The following DNAH10 variants were observed in gnomAD, a reference collection of about 807,000 sequenced individuals.
The protein encoded by DNAH10 is axonemal beta dynein heavy chain 10.
DNAH10 carries 348 observed loss-of-function variants against 506.6 expected under a neutral mutation model. The observed-to-expected ratio is 0.69, with a 90% CI of 0.63 to 0.75. DNAH10 has a LOEUF of 0.75. DNAH10 is among the 30% of genes least tolerant of loss of function. The probability of loss-of-function intolerance (pLI) is 0.00; values close to 1 mark genes in which losing one functional copy is unlikely to be tolerated. For missense variants in DNAH10, 5,179 were observed against 5,787.1 expected (o/e 0.89, Z 3.41); for synonymous variants, 2,059 against 2,198.6 (o/e 0.94, Z 1.78).
At position 123,845,694 on chromosome 12, in the gene DNAH10, C is replaced by T. The variant is rs1950922178; in HGVS notation, c.5455C>T (p.Gln1819Ter). 1 of 1,613,238 alleles carries T rather than the reference C, an allele frequency of 6.2e-7. No homozygotes were observed. Among genetic ancestry groups the T allele is most frequent in the African/African-American group, 1.3e-5 (1 of 74,722 alleles). ...WEVEDVFHKA[Q>*]KGEKQAMKNY... is the part of the protein sequence containing the mutation. Reference sequence around the variant, plus strand: ...GGTGGAAGACGTCTTCCACAAAGCGCAAAAAGGGGAGAAGCAGGCCATGAA... The same window carrying T: ...GGTGGAAGACGTCTTCCACAAAGCGTAAAAAGGGGAGAAGCAGGCCATGAA... The change falls in exon 31 of 79, where the codon CAA (glutamine) becomes TAA (stop). Residue 1819 changes from glutamine (Q) to a stop codon, truncating the protein, a stop_gained. Coordinates refer to ENST00000673944, the MANE Select transcript of DNAH10 (RefSeq NM_001372106.1). LOFTEE classifies it high-confidence loss of function.
chr12:123,929,839 C>T, intron 72 of DNAH10, 80 bp downstream of exon 72: 1 of 1,293,634 alleles, frequency 7.7e-7, no homozygotes, highest in Non-Finnish European at 1.1e-6. Context: ...TTCCTCTGAG[C>T]CCTCAGAACC....
At chr12:123,766,451 C>A (rs1957053428) in intron 1 of DNAH10, among the ~76,000 whole-genome samples, 1 of 152,090 alleles carries the variant, frequency 6.6e-6, no homozygotes, top group Admixed American at 6.5e-5. Flanking sequence ...TGACTTCTCC[C>A]CCCACCACAT....
rs763765733 is a variant in DNAH10, at chr12:123,841,382, T to C, written c.5197T>C (p.Ser1733Pro). 1.8e-4 allele frequency: 297 copies of C among 1,613,774 alleles called. No homozygotes were observed. The highest frequency in any genetic ancestry group is 1.4e-4 in the Non-Finnish European group (165 of 1,179,870). The stretch of plus-strand genomic sequence containing the variant: ...CGGCGATAGTGGAGAAAAACTGGTG[T>C]CCGCGATGATTTCAGCAGAAGGAGA... ...NDGDSGEKLV[S>P]AMISAEGEVM... The change falls in exon 30 of 79, where the codon TCC becomes CCC. Residue 1733 changes from serine to proline, a missense_variant. This residue lies in a region of DNAH10 where 4,844 missense variants were observed against 5,430.5 expected (regional missense o/e 0.89). Coordinates refer to ENST00000673944, the MANE Select transcript of DNAH10 (RefSeq NM_001372106.1).
At chr12:123,934,944 G>A (rs969856972) in intron 78 of DNAH10, 178 bp downstream of exon 78, 14 of 807,070 alleles carry the variant, frequency 1.7e-5, no homozygotes, top group Admixed American at 2.8e-5. Context: ...TGGAAAAGGC[G>A]CGGCTGTATG....
Position 123,893,371 on chromosome 12 carries a change from T to A in DNAH10, c.9134T>A (p.Leu3045Gln), listed in dbSNP as rs1313219890. 6.2e-7 allele frequency: 1 copy of A among 1,613,806 alleles called. No individual in the cohort carries two copies. The highest frequency in any genetic ancestry group is 8.5e-7 in the Non-Finnish European group (1 of 1,179,908). The change falls in exon 53 of 79, where the codon CTG (leucine) becomes CAG (glutamine). Residue 3045 changes from leucine to glutamine, a missense_variant. Physicochemically the swap from Leu to Gln is moderately radical, Grantham distance 113. Coordinates refer to ENST00000673944, the MANE Select transcript of DNAH10 (RefSeq NM_001372106.1). ...TTCGTGAACAAAAGTGCAAATAACC[T>A]GCACATTGTCCTGGGCATGTCGCCA... is the stretch of plus-strand genomic sequence containing the variant. ...QYFVNKSANN[L>Q]HIVLGMSPVG... is the part of the protein sequence containing the mutation.
At chr12:123,834,080 A>G (rs1362614373) in intron 27 of DNAH10, among the ~76,000 whole-genome samples, 2 of 152,180 alleles carry the variant, frequency 1.3e-5, no homozygotes, top group Admixed American at 6.5e-5. Flanking sequence ...TCACTGGCCA[A>G]CTGTGTGATC....
intron 61 of DNAH10, 125 bp downstream of exon 61, chr12:123,914,675 C>A: frequency 1.4e-6 from 2 of 1,393,204 alleles, no homozygotes; most frequent in Non-Finnish European, 1.9e-6. Context: ...GGCTCGACTG[C>A]ATGGAAGTGG....
intron 23 of DNAH10, among the ~76,000 whole-genome samples, chr12:123,819,500 A>G (rs946279163): frequency 2.0e-5 from 3 of 150,976 alleles, no homozygotes; most frequent in Non-Finnish European, 4.4e-5. Context: ...AGCAGCCTCC[A>G]CTCCTGTGGG....
chr12:123,924,027 A>G, intron 66 of DNAH10, 160 bp downstream of exon 66: 2 of 734,592 alleles, frequency 2.7e-6, no homozygotes, highest in Admixed American at 3.0e-5. Context: ...TTCCAGCCTC[A>G]GAAATGGCTC....
At position 123,873,726 on chromosome 12, in the gene DNAH10, A is replaced by G; in HGVS notation, c.7938+16A>G. 1.3e-6 allele frequency: 2 copies of G among 1,596,056 alleles called. No individual in the cohort carries two copies. The highest frequency in any genetic ancestry group is 1.7e-6 in the Non-Finnish European group (2 of 1,170,898). The stretch of plus-strand genomic sequence containing the variant: ...TATGCCAAGGGTAGTTTGACGCTCA[A>G]GCAGGTGGAGGGATGGGTCAAGACA... On this transcript the variant is annotated intron_variant, in intron 46 of 78. Transcript: ENST00000673944.
At chr12:123,819,343 G>A in intron 23 of DNAH10, 93 bp downstream of exon 23, 1 of 879,352 alleles carries the variant, frequency 1.1e-6, no homozygotes, top group Non-Finnish European at 1.8e-6. Context: ...TGATGATGGT[G>A]CCGTGATTAA....
intron 14 of DNAH10, among the ~76,000 whole-genome samples, chr12:123,799,808 G>A (rs960482782): frequency 2.0e-5 from 3 of 152,130 alleles, no homozygotes; most frequent in Non-Finnish European, 4.4e-5. Flanking sequence ...AACACCTGCC[G>A]TTAGGGAGGA....
chr12:123,928,317 TG>T lies in DNAH10; in HGVS notation c.12106-67del. Reference sequence around the variant, plus strand: ...CCATCGCCCTTCTGTGGGTGTGGAGTGGGTCTCTGGAGAGCACGGGGTTGGG... The same window carrying T: ...CCATCGCCCTTCTGTGGGTGTGGAGTGGTCTCTGGAGAGCACGGGGTTGGG... On this transcript the variant is annotated intron_variant, in intron 69 of 78. Coordinates refer to ENST00000673944, the MANE Select transcript of DNAH10 (RefSeq NM_001372106.1). This position sits in a 1 kb window ranked among gnomAD's most constrained non-coding sequence, Gnocchi z 4.9. 6.6e-7 allele frequency: 1 copy of T among 1,504,852 alleles called. No homozygotes were observed. The highest frequency in any genetic ancestry group is 8.9e-7 in the Non-Finnish European group (1 of 1,118,176). The allele number at this position is 1,504,852 out of a possible 1,614,324, so 93.2% of individuals were successfully genotyped here.
chr12:123,913,257 G>C lies in DNAH10; in HGVS notation c.10294G>C (p.Glu3432Gln). ...GCTGCAGGAAGAAGCCGAGATCATG[G>C]AGAGGCGGCTGATTGCCGCAGACAA... ...QKLQEEAEIM[E>Q]RRLIAADKLI... Residue 3432 changes from glutamate to glutamine, a missense_variant, in exon 60 of 79, where the codon GAG becomes CAG. Physicochemically the swap from Glu to Gln is conservative, Grantham distance 29. Around this residue, in one of 3 missense-constraint regions of DNAH10, gnomAD observed 4,844 missense variants for 5,430.5 expected, o/e 0.89. Transcript: ENST00000673944. The surrounding 1 kb of genome is among the most constrained non-coding windows in gnomAD (Gnocchi z 5.1). The C allele has an allele frequency of 6.2e-7, 1 of 1,608,842 alleles. No individual in the cohort carries two copies. Among genetic ancestry groups the C allele is most frequent in the Non-Finnish European group, 8.5e-7 (1 of 1,177,898 alleles).
intron 23 of DNAH10, 121 bp from the exon 24 acceptor site, chr12:123,820,459 G>A: frequency 1.0e-6 from 1 of 987,292 alleles, no homozygotes; most frequent in East Asian, 2.6e-5. Flanking sequence ...TTCTAAATTT[G>A]TCTTCCCGTG....
In DNAH10 at chr12:123,871,456, G is replaced by T; in HGVS notation, c.7640-1G>T. The T allele has an allele frequency of 6.3e-7, 1 of 1,586,910 alleles. No individual in the cohort carries two copies. The highest frequency in any genetic ancestry group is 8.6e-7 in the Non-Finnish European group (1 of 1,165,190). The stretch of plus-strand genomic sequence containing the variant: ...GCCCCTGTTCCTAATGTCTACTTTA[G>T]TTCACACAGTGGATACCACTCGGAC... On this transcript the variant is annotated splice_acceptor_variant, in intron 44 of 78. Transcript: ENST00000673944. LOFTEE classifies it high-confidence loss of function.
intron 10 of DNAH10, among the ~76,000 whole-genome samples, chr12:123,788,724 T>C (rs1957959696): frequency 6.6e-6 from 1 of 151,556 alleles, no homozygotes; most frequent in African/African-American, 2.4e-5. Flanking sequence ...ACCCAGGAAT[T>C]TGAGACTGGC....
Position 123,914,557 on chromosome 12 carries a change from G to C in DNAH10, c.10574+7G>C. 1.9e-6 allele frequency: 3 copies of C among 1,610,912 alleles called. No individual in the cohort carries two copies. Among genetic ancestry groups the C allele is most frequent in the South Asian group, 2.2e-5 (2 of 90,786 alleles). ...ATGATGTTGAGATCAGCAGGTGTGT[G>C]GCACCCTGAGCCAGCAGGAGGGAGG... is the stretch of plus-strand genomic sequence containing the variant. On this transcript the variant is annotated splice_region_variant and intron_variant, in intron 61 of 78. Transcript: ENST00000673944.
chr12:123,927,491 C>T (rs1954999434), intron 69 of DNAH10: 3 of 153,116 alleles, frequency 2.0e-5, no homozygotes, highest in African/African-American at 7.2e-5. Flanking sequence ...GAGCCCAGGA[C>T]CATTCAGGAC....
Sources: gnomAD v4.1 joint callset for allele counts (sites outside exome capture counted in the v4.1 genomes callset) on GRCh38, gnomAD v4.1.1 for gene constraint, gnomAD v4.1.1 regional missense constraint, Gnocchi (gnomAD v3.1) non-coding constraint, MANE v1.5 for transcripts, NCBI Gene and HGNC (gene_info 2026-07-23, HGNC 2026-07-21) for gene names.